KIF3B: variants seen among roughly 807,000 people sequenced by gnomAD.
KIF3B encodes kinesin-like protein KIF3B.
Under a neutral mutation model 74.3 loss-of-function variants are expected in KIF3B, and 38 were observed. The observed-to-expected ratio is 0.51, with a 90% CI of 0.39 to 0.67. KIF3B has a LOEUF of 0.67. Ranked by LOEUF, KIF3B falls within the 30% of genes least tolerant of loss-of-function variation. KIF3B has a pLI of 0.00. For synonymous variants in KIF3B, 326 were observed against 342.5 expected (o/e 0.95, Z 0.53); for missense variants, 649 against 932.0 (o/e 0.70, Z 3.95).
At chr20:32,316,194 G>T in intron 2 of KIF3B, 24 bp from the exon 3 acceptor site, 2 of 1,296,292 alleles carry the variant, frequency 1.5e-6, no homozygotes, top group African/African-American at 2.9e-5. Flanking sequence ...TCATGAGATG[G>T]ATTCTACTTT....
chr20:32,333,104 C>T lies in KIF3B; in HGVS notation c.*1785C>T, dbSNP rs2047937726. On this transcript the variant is annotated 3_prime_UTR_variant, in exon 9 of 9. Transcript: ENST00000375712. Reference sequence around the variant, plus strand: ...GCGGCTTATCTCCTTTTTAGTAACCCTTCTTTCTGAACCCAGGGCCCTTTT... The same window carrying T: ...GCGGCTTATCTCCTTTTTAGTAACCTTTCTTTCTGAACCCAGGGCCCTTTT... 6.6e-6 allele frequency: 1 copy of T among 152,460 alleles called. No homozygotes were observed. The allele number at this position is 152,460 out of a possible 1,614,324, so 9.4% of individuals were successfully genotyped here.
intron 1 of KIF3B, among the ~76,000 whole-genome samples, chr20:32,301,399 C>T (rs185334924): frequency 2.7e-5 from 4 of 150,340 alleles, no homozygotes; most frequent in South Asian, 2.1e-4. Flanking sequence ...ATTTTTGAGA[C>T]GTAGTTCTGC....
chr20:32,331,172 C>G, intron 8 of KIF3B, 51 bp from the exon 9 acceptor site: 1 of 1,318,038 alleles, frequency 7.6e-7, no homozygotes. Flanking sequence ...TCTGATGTGT[C>G]AGGGACAGAG....
chr20:32,293,625 G>C (rs957643054), intron 1 of KIF3B, among the ~76,000 whole-genome samples: 1 of 151,798 alleles, frequency 6.6e-6, no homozygotes, highest in Admixed American at 6.6e-5. Context: ...AACAAACAAA[G>C]AAAACAACAC....
At position 32,331,544 on chromosome 20, in the gene KIF3B, T is replaced by C; in HGVS notation, c.*225T>C. The C allele has an allele frequency of 1.8e-6, 1 of 544,788 alleles. No homozygotes were observed. The highest frequency in any genetic ancestry group is 3.2e-6 in the Non-Finnish European group (1 of 312,706). 33.7% of individuals were successfully genotyped at this position (544,788 alleles called of 1,614,324 possible). A position where few individuals can be genotyped will look rare whatever the true frequency, so the allele number is the denominator to read the frequency against. ...TTTTAATTAGCATCTCAGAAATGCA[T>C]GGGTAAGGTAAAGTGCGATAGTTCA... On this transcript the variant is annotated 3_prime_UTR_variant, in exon 9 of 9. Transcript: ENST00000375712.
chr20:32,309,093 T>G (rs569233215), intron 1 of KIF3B, among the ~76,000 whole-genome samples: 26 of 152,158 alleles, frequency 1.7e-4, no homozygotes, highest in African/African-American at 6.0e-4. Context: ...TGCGGCTTAC[T>G]GTACCCTCAA....
At chr20:32,305,919 T>A (rs1909266664) in intron 1 of KIF3B, among the ~76,000 whole-genome samples, 1 of 151,532 alleles carries the variant, frequency 6.6e-6, no homozygotes, top group Non-Finnish European at 1.5e-5. Context: ...ATTAAATTTA[T>A]TGATTGATTT....
At chr20:32,295,760 T>C (rs1462457417) in intron 1 of KIF3B, among the ~76,000 whole-genome samples, 1 of 152,122 alleles carries the variant, frequency 6.6e-6, no homozygotes, top group Non-Finnish European at 1.5e-5. Context: ...AGAAACTGTT[T>C]TACGAAGCTT....
intron 1 of KIF3B, among the ~76,000 whole-genome samples, chr20:32,299,284 C>T (rs1306918995): frequency 6.8e-6 from 1 of 148,058 alleles, no homozygotes; most frequent in Non-Finnish European, 1.5e-5. Flanking sequence ...GTTTACAAAA[C>T]CAGGCTCTGG....
chr20:32,301,569 G>T (rs1245116213), intron 1 of KIF3B, among the ~76,000 whole-genome samples: 1 of 150,788 alleles, frequency 6.6e-6, no homozygotes, highest in Admixed American at 6.6e-5. Context: ...TAAAGACGGG[G>T]TCTCACCGTG....
In KIF3B at chr20:32,316,630, A is replaced by G. The variant is rs2047828984; in HGVS notation, c.1610A>G (p.Lys537Arg). 3 of 1,614,064 alleles carry G rather than the reference A, an allele frequency of 1.9e-6. No individual in the cohort carries two copies. The highest frequency in any genetic ancestry group is 3.3e-5 in the Admixed American group (2 of 59,978). The change falls in exon 4 of 9, where the codon AAG becomes AGG. Residue 537 changes from lysine (K) to arginine (R), a missense_variant. Physicochemically the swap from Lys to Arg is conservative, Grantham distance 26 (BLOSUM62 2). Coordinates refer to ENST00000375712, the MANE Select transcript of KIF3B (RefSeq NM_004798.4). ...TCATTGCAGCAAGAGGTGGACATCA[A>G]GACCAAAAAACTCAAAAAGGTATGA... is the stretch of plus-strand genomic sequence containing the variant. ...YSSLQQEVDIKTKKLKKLFSK... is the reference protein window; with the variant it reads ...YSSLQQEVDIRTKKLKKLFSK...
intron 1 of KIF3B, among the ~76,000 whole-genome samples, chr20:32,284,096 A>AT (rs1048781786): frequency 1.3e-5 from 2 of 151,056 alleles, no homozygotes; most frequent in Non-Finnish European, 2.9e-5. Flanking sequence ...AAAAAAAAAA[A>AT]TTTTTGTTTT....
intron 1 of KIF3B, among the ~76,000 whole-genome samples, chr20:32,278,779 T>G (rs2047628009): frequency 6.6e-6 from 1 of 152,214 alleles, no homozygotes; most frequent in South Asian, 2.1e-4. Context: ...TACAAGCATA[T>G]GATTAAGAAG....
intron 1 of KIF3B, among the ~76,000 whole-genome samples, chr20:32,289,699 C>T (rs2047682580): frequency 6.6e-6 from 1 of 152,114 alleles, no homozygotes; most frequent in South Asian, 2.1e-4. Flanking sequence ...TTAAAATAAA[C>T]TTTGTGTTAA....
At chr20:32,298,297 C>T (rs897505633) in intron 1 of KIF3B, among the ~76,000 whole-genome samples, 5 of 151,494 alleles carry the variant, frequency 3.3e-5, no homozygotes, top group Non-Finnish European at 7.4e-5. Flanking sequence ...ATTAATTGTG[C>T]ATGGCGGCCT....
chr20:32,289,509 C>T (rs1009245404), intron 1 of KIF3B, among the ~76,000 whole-genome samples: 3 of 152,116 alleles, frequency 2.0e-5, no homozygotes, highest in Non-Finnish European at 4.4e-5. Flanking sequence ...TATTTCTTAA[C>T]ACTTATTAAG....
chr20:32,312,186 C>A (rs1460830716), intron 2 of KIF3B, among the ~76,000 whole-genome samples: 1 of 150,752 alleles, frequency 6.6e-6, no homozygotes. Flanking sequence ...ATCACTGCAG[C>A]CTTGACCTCC....
At chr20:32,315,571 A>G (rs2047822870) in intron 2 of KIF3B, among the ~76,000 whole-genome samples, 4 of 152,052 alleles carry the variant, frequency 2.6e-5, no homozygotes, top group Admixed American at 1.3e-4. Flanking sequence ...CAATCAGCCA[A>G]GTGTGGTGGT....
rs2047793866 is a variant in KIF3B, at chr20:32,310,429, A to G, written c.652A>G (p.Ile218Val). ...CGAGCACAGCTCGCGTTCTCATGCA[A>G]TTTTCGTTATCACTATTGAGTGCAG... ...MNEHSSRSHA[I>V]FVITIECSEV... The change falls in exon 2 of 9, where the codon ATT becomes GTT. Residue 218 changes from isoleucine to valine, a missense_variant. Coordinates refer to ENST00000375712, the MANE Select transcript of KIF3B (RefSeq NM_004798.4). This position sits in a 1 kb window ranked among gnomAD's most constrained non-coding sequence, Gnocchi z 6.5. The G allele has an allele frequency of 6.2e-7, 1 of 1,614,156 alleles. No individual in the cohort carries two copies. Among genetic ancestry groups the G allele is most frequent in the African/African-American group, 1.3e-5 (1 of 75,034 alleles).
Sources: gnomAD v4.1 joint callset for allele counts (sites outside exome capture counted in the v4.1 genomes callset) on GRCh38, gnomAD v4.1.1 for gene constraint, Gnocchi (gnomAD v3.1) non-coding constraint, MANE v1.5 for transcripts, NCBI Gene and HGNC (gene_info 2026-07-23, HGNC 2026-07-21) for gene names.